AKAP7: variants seen among roughly 807,000 people sequenced by gnomAD.
AKAP7 encodes the protein A-kinase anchoring protein 7.
AKAP7 carries 39 observed loss-of-function variants against 39.5 expected under a neutral mutation model. The ratio of observed to expected loss-of-function variants is 0.99; its 90% confidence interval spans 0.76 to 1.29. The LOEUF (loss-of-function observed/expected upper bound fraction) is 1.29. Among genes scored for constraint, AKAP7 ranks in the 50% most tolerant of loss-of-function variants. AKAP7 has a pLI of 0.00. For synonymous variants in AKAP7, 140 were observed against 139.1 expected (o/e 1.01, Z -0.05); for missense variants, 414 against 407.7 (o/e 1.02, Z -0.13).
chr6:131,168,202 G>A (rs766328679), intron 4 of AKAP7, among the ~76,000 whole-genome samples: 5 of 152,014 alleles, frequency 3.3e-5, no homozygotes, highest in Admixed American at 1.3e-4. Context: ...ACTTGAGCCT[G>A]GGAGTTTGAG....
chr6:131,164,104 A>G (rs1249573859), intron 3 of AKAP7, among the ~76,000 whole-genome samples: 1 of 152,218 alleles, frequency 6.6e-6, no homozygotes, highest in Middle Eastern at 3.2e-3. Flanking sequence ...CTTTGGTATC[A>G]GAACAGTTTG....
At chr6:131,229,167 G>A (rs1411887026) in intron 7 of AKAP7, among the ~76,000 whole-genome samples, 3 of 152,070 alleles carry the variant, frequency 2.0e-5, no homozygotes, top group African/African-American at 4.8e-5. Context: ...GTGTTGACAG[G>A]CATTTTCTTG....
intron 5 of AKAP7, among the ~76,000 whole-genome samples, chr6:131,176,009 T>C (rs902615955): frequency 6.6e-6 from 1 of 152,228 alleles, no homozygotes; most frequent in Admixed American, 6.5e-5. Flanking sequence ...ATTGGTATGC[T>C]TGTCTCTTGT....
intron 7 of AKAP7, among the ~76,000 whole-genome samples, chr6:131,245,355 C>T (rs749242787): frequency 4.6e-5 from 7 of 151,630 alleles, no homozygotes; most frequent in Non-Finnish European, 1.0e-4. Flanking sequence ...TGCAATTCTC[C>T]TGCCTCAGCA....
At chr6:131,153,073 T>A (rs1417629799) in intron 2 of AKAP7, among the ~76,000 whole-genome samples, 1 of 146,112 alleles carries the variant, frequency 6.8e-6, no homozygotes, top group Non-Finnish European at 1.5e-5. Flanking sequence ...GAGCTTGCAG[T>A]GAGCCGAGAT....
In AKAP7 at chr6:131,232,539, C is replaced by T. The variant is rs184044243; in HGVS notation, c.850+12731C>T. Among the ~76,000 whole-genome samples, 4 of 152,194 alleles carry T rather than the reference C, an allele frequency of 2.6e-5. No individual in the cohort carries two copies. In the East Asian group the frequency reaches 5.8e-4, roughly 22 times the overall value. ...TGCTTGACATACAGTGTTATGAAAT[C>T]GTTACTGGCCGGCCGGTGGCTCACA... is the stretch of plus-strand genomic sequence containing the variant. On this transcript the variant is annotated intron_variant, in intron 7 of 7. Coordinates refer to ENST00000431975, the MANE Select transcript of AKAP7 (RefSeq NM_016377.4).
chr6:131,151,034 C>T (rs1464523140), intron 2 of AKAP7, among the ~76,000 whole-genome samples: 1 of 151,956 alleles, frequency 6.6e-6, no homozygotes, highest in Non-Finnish European at 1.5e-5. Flanking sequence ...CTCACATAAT[C>T]CTCTTAGAAT....
At chr6:131,174,925 G>A (rs1804429371) in intron 5 of AKAP7, among the ~76,000 whole-genome samples, 1 of 100,166 alleles carries the variant, frequency 1.0e-5, no homozygotes. Flanking sequence ...TGCGTAGTCA[G>A]AATTCCCCAT....
At chr6:131,190,632 G>A (rs1338444637) in intron 5 of AKAP7, among the ~76,000 whole-genome samples, 3 of 149,762 alleles carry the variant, frequency 2.0e-5, no homozygotes, top group Non-Finnish European at 4.4e-5. Context: ...GTGACGGAGC[G>A]AGATTCTGTC....
chr6:131,262,686 G>C (rs569748150), intron 7 of AKAP7, among the ~76,000 whole-genome samples: 1 of 152,134 alleles, frequency 6.6e-6, no homozygotes, highest in Non-Finnish European at 1.5e-5. Flanking sequence ...CTCTCACCTA[G>C]ATCAATTCAA....
At chr6:131,271,596 C>G (rs895908039) in intron 7 of AKAP7, among the ~76,000 whole-genome samples, 2 of 151,948 alleles carry the variant, frequency 1.3e-5, no homozygotes, top group African/African-American at 2.4e-5. Context: ...GTTGCCCAGG[C>G]TGGAGTGCAG....
chr6:131,176,021 AATC>A (rs1585014862), intron 5 of AKAP7, among the ~76,000 whole-genome samples: 1 of 152,174 alleles, frequency 6.6e-6, no homozygotes, highest in African/African-American at 2.4e-5. Flanking sequence ...GTCTCTTGTT[AATC>A]TGTCTTTTTT....
At chr6:131,163,472 A>G (rs1476359462) in intron 3 of AKAP7, among the ~76,000 whole-genome samples, 1 of 152,232 alleles carries the variant, frequency 6.6e-6, no homozygotes, top group Non-Finnish European at 1.5e-5. Flanking sequence ...AGTTCCAATT[A>G]AGTGACCTGC....
intron 2 of AKAP7, among the ~76,000 whole-genome samples, chr6:131,150,089 G>C (rs1323713217): frequency 6.6e-6 from 1 of 152,160 alleles, no homozygotes; most frequent in Non-Finnish European, 1.5e-5. Flanking sequence ...GAGTAGCTGG[G>C]AAAACAGGTA....
At chr6:131,128,187 A>G in the AKAP7 span, among the ~76,000 whole-genome samples, 1 of 152,198 alleles carries the variant, frequency 6.6e-6, no homozygotes, top group East Asian at 1.9e-4. Context: ...AATATAATAA[A>G]ATAATGGATT....
chr6:131,206,855 T>TGGGG (rs1808154088), intron 6 of AKAP7, among the ~76,000 whole-genome samples: 1 of 152,198 alleles, frequency 6.6e-6, no homozygotes. Context: ...TGGTATAGTT[T>TGGGG]GACTGCCACT....
At chr6:131,263,452 A>G (rs970270791) in intron 7 of AKAP7, among the ~76,000 whole-genome samples, 2 of 152,172 alleles carry the variant, frequency 1.3e-5, no homozygotes, top group Admixed American at 1.3e-4. Flanking sequence ...AAATTTGAGG[A>G]AAGGTACAGG....
At chr6:131,257,087 TAA>T (rs1331265798) in intron 7 of AKAP7, among the ~76,000 whole-genome samples, 1 of 152,114 alleles carries the variant, frequency 6.6e-6, no homozygotes, top group Non-Finnish European at 1.5e-5. Context: ...GCATTTGTCT[TAA>T]ACAGTATCTA....
At chr6:131,138,210 C>T (rs982880558) in intron 1 of AKAP7, among the ~76,000 whole-genome samples, 3 of 152,110 alleles carry the variant, frequency 2.0e-5, no homozygotes, top group Admixed American at 1.3e-4. Context: ...TAAGTGAGAA[C>T]ATAGAAAGTT....
Sources: gnomAD v4.1 joint callset for allele counts (sites outside exome capture counted in the v4.1 genomes callset) on GRCh38, gnomAD v4.1.1 for gene constraint, MANE v1.5 for transcripts, NCBI Gene and HGNC (gene_info 2026-07-23, HGNC 2026-07-21) for gene names.